VWC2: variants seen among roughly 807,000 people sequenced by gnomAD.
The protein encoded by VWC2 is brorin.
In VWC2, 14 loss-of-function variants were observed where a neutral mutation model predicts 29.8. That is an observed-to-expected ratio of 0.47 (90% CI 0.31 to 0.74). The LOEUF (loss-of-function observed/expected upper bound fraction) is 0.74. VWC2 is among the 30% of genes least tolerant of loss of function. The pLI is 0.05. For missense variants in VWC2, 457 were observed against 459.8 expected, an observed-to-expected ratio of 0.99 and a Z score of 0.05; for synonymous variants, 213 against 199.0, an observed-to-expected ratio of 1.07 and a Z score of -0.59.
chr7:49,798,362 A>G (rs1202458488), intron 2 of VWC2, among the ~76,000 whole-genome samples: 1 of 152,226 alleles, frequency 6.6e-6, no homozygotes, highest in African/African-American at 2.4e-5. Context: ...AGCCTAAAAG[A>G]GGGTCACTGT....
At chr7:49,823,170 G>A (rs1286969826) in intron 3 of VWC2, among the ~76,000 whole-genome samples, 1 of 152,132 alleles carries the variant, frequency 6.6e-6, no homozygotes, top group Non-Finnish European at 1.5e-5. Flanking sequence ...TAATAGTTAC[G>A]AGTATGGGTT....
intron 2 of VWC2, among the ~76,000 whole-genome samples, chr7:49,786,981 A>C (rs113170220): frequency 6.0e-4 from 91 of 152,262 alleles, no homozygotes; most frequent in African/African-American, 2.0e-3. Context: ...TTTAGTTTAA[A>C]TATTCTTAGA....
chr7:49,918,825 T>A lies in VWC2; in HGVS notation c.*6640T>A, dbSNP rs1793858627. On this transcript the variant is annotated 3_prime_UTR_variant, in exon 4 of 4. Coordinates refer to ENST00000340652, the MANE Select transcript of VWC2 (RefSeq NM_198570.5). ...TGGCTCACGCCTATAATCCCAGCAC[T>A]TTGGGAGGCTGAGGCAGGTGGATCA... 1 of 152,200 alleles carries A rather than the reference T, an allele frequency of 6.6e-6. No individual in the cohort carries two copies. 9.4% of individuals were successfully genotyped at this position (152,200 alleles called of 1,614,324 possible).
chr7:49,775,708 C>A lies in VWC2; in HGVS notation c.273C>A (p.Ser91Arg), dbSNP rs180779550. The change falls in exon 2 of 4, where the codon AGC becomes AGA. Residue 91 changes from serine (S) to arginine (R), a missense_variant. By Grantham distance (110) the Ser-to-Arg change is moderately radical. Around this residue, in one of 2 missense-constraint regions of VWC2, gnomAD observed 272 missense variants for 202.7 expected, o/e 1.34. Transcript: ENST00000340652. ...GGCTCGCCGGCCGTGAGCCGTGGAG[C>A]AAGCTGAAGCAGGCCTGGGTCTCCC... is the stretch of plus-strand genomic sequence containing the variant. ...GRGLAGREPW[S>R]KLKQAWVSQG... 1.8e-5 allele frequency: 28 copies of A among 1,522,418 alleles called. No homozygotes were observed. In the East Asian group the frequency reaches 3.6e-4, roughly 19 times the overall value. 94.3% of individuals were successfully genotyped at this position (1,522,418 alleles called of 1,614,324 possible). A position where few individuals can be genotyped will look rare whatever the true frequency, so the allele number is the denominator to read the frequency against.
At chr7:49,820,409 CA>C (rs149201821) in intron 3 of VWC2, among the ~76,000 whole-genome samples, 3,550 of 152,206 alleles carry the variant, frequency 0.023, 148 homozygotes, top group African/African-American at 0.082. Flanking sequence ...AGGGCTCATT[CA>C]TTAAGATTTT....
At chr7:49,829,508 C>A (rs1220628653) in intron 3 of VWC2, among the ~76,000 whole-genome samples, 2 of 152,210 alleles carry the variant, frequency 1.3e-5, no homozygotes, top group Non-Finnish European at 2.9e-5. Flanking sequence ...TCATGCCCTT[C>A]CCCTAATATC....
chr7:49,793,774 T>C lies in VWC2; in HGVS notation c.697-8937T>C, dbSNP rs140638573. On this transcript the variant is annotated intron_variant, in intron 2 of 3. Coordinates refer to ENST00000340652, the MANE Select transcript of VWC2 (RefSeq NM_198570.5). ...GGCTTTAGGTCTTTGATAGATAGCA[T>C]ATAAATGGCATGCATTTTTTCACTT... Among the ~76,000 whole-genome samples the C allele has an allele frequency of 5.0e-3, 762 of 152,322 alleles. 7 individuals carry two copies. The highest frequency in any genetic ancestry group is 0.017 in the African/African-American group (724 of 41,576).
At chr7:49,831,217 G>A (rs1247312750) in intron 3 of VWC2, among the ~76,000 whole-genome samples, 1 of 152,066 alleles carries the variant, frequency 6.6e-6, no homozygotes, top group African/African-American at 2.4e-5. Context: ...TTATGGTGGT[G>A]GCTATCTTCT....
At chr7:49,793,992 C>G (rs1788523606) in intron 2 of VWC2, among the ~76,000 whole-genome samples, 3 of 152,186 alleles carry the variant, frequency 2.0e-5, no homozygotes, top group Admixed American at 1.3e-4. Context: ...TGCGCTCATT[C>G]TGTGGACTAG....
rs1286176173 is a variant in VWC2, at chr7:49,914,320, G to A, written c.*2135G>A. The A allele has an allele frequency of 6.6e-6, 1 of 152,230 alleles. No homozygotes were observed. The highest frequency in any genetic ancestry group is 1.5e-5 in the Non-Finnish European group (1 of 68,038). The allele number at this position is 152,230 out of a possible 1,614,324, so 9.4% of individuals were successfully genotyped here. A position where few individuals can be genotyped will look rare whatever the true frequency, so the allele number is the denominator to read the frequency against. On this transcript the variant is annotated 3_prime_UTR_variant, in exon 4 of 4. Coordinates refer to ENST00000340652, the MANE Select transcript of VWC2 (RefSeq NM_198570.5). The stretch of plus-strand genomic sequence containing the variant: ...TAATTGCAATGGTGTTTTCAATGCT[G>A]TGAGAATTTCAGAAAACCTAGTATT...
At chr7:49,843,061 G>A (rs760863792) in intron 3 of VWC2, among the ~76,000 whole-genome samples, 1 of 151,962 alleles carries the variant, frequency 6.6e-6, no homozygotes, top group Admixed American at 6.6e-5. Flanking sequence ...TCCCCGAGTC[G>A]CTGCATTGCC....
At chr7:49,788,861 CGT>C (rs1177586415) in intron 2 of VWC2, among the ~76,000 whole-genome samples, 42 of 96,142 alleles carry the variant, frequency 4.4e-4, no homozygotes, top group African/African-American at 1.3e-3. Flanking sequence ...TGTGTGTGAG[CGT>C]GTGTGTGGGG....
chr7:49,845,546 C>T (rs1789919988), intron 3 of VWC2, among the ~76,000 whole-genome samples: 1 of 152,208 alleles, frequency 6.6e-6, no homozygotes, highest in African/African-American at 2.4e-5. Flanking sequence ...GGCAAGTTGT[C>T]TGTGTGAAAT....
chr7:49,836,523 C>A (rs1444218479), intron 3 of VWC2, among the ~76,000 whole-genome samples: 1 of 151,290 alleles, frequency 6.6e-6, no homozygotes, highest in Non-Finnish European at 1.5e-5. Flanking sequence ...CCTGTAATCC[C>A]AGCTACTCCA....
chr7:49,864,592 G>T (rs905363851), intron 3 of VWC2, among the ~76,000 whole-genome samples: 2 of 152,176 alleles, frequency 1.3e-5, no homozygotes, highest in Non-Finnish European at 2.9e-5. Flanking sequence ...GCAGGTTGTT[G>T]TCAGCCTTAC....
At chr7:49,778,341 G>A (rs1182053366) in intron 2 of VWC2, among the ~76,000 whole-genome samples, 1 of 152,194 alleles carries the variant, frequency 6.6e-6, no homozygotes, top group South Asian at 2.1e-4. Flanking sequence ...GGAATATTAA[G>A]TGCATCTTCC....
At chr7:49,896,655 G>A (rs2128732758) in intron 3 of VWC2, among the ~76,000 whole-genome samples, 1 of 151,800 alleles carries the variant, frequency 6.6e-6, no homozygotes, top group East Asian at 1.9e-4. Context: ...GACAAAGGAA[G>A]AAAAGAAAGA....
chr7:49,894,950 T>A (rs201574389), intron 3 of VWC2, among the ~76,000 whole-genome samples: 17 of 152,208 alleles, frequency 1.1e-4, no homozygotes, highest in Non-Finnish European at 2.2e-4. Context: ...TTTTAAGGGA[T>A]GGAAGATGGC....
intron 3 of VWC2, among the ~76,000 whole-genome samples, chr7:49,896,769 T>C (rs1008918517): frequency 6.6e-6 from 1 of 151,726 alleles, no homozygotes; most frequent in Non-Finnish European, 1.5e-5. Context: ...TCTATGCACA[T>C]AAATTTAACA....
Sources: gnomAD v4.1 joint callset for allele counts (sites outside exome capture counted in the v4.1 genomes callset) on GRCh38, gnomAD v4.1.1 for gene constraint, gnomAD v4.1.1 regional missense constraint, MANE v1.5 for transcripts, NCBI Gene and HGNC (gene_info 2026-07-23, HGNC 2026-07-21) for gene names.